Variants in DYM observed in about 807,000 individuals in gnomAD.
The protein encoded by DYM is dyggve-Melchior-Clausen syndrome protein.
A neutral mutation model predicts 93.1 loss-of-function variants in DYM; 78 were observed. That is an observed-to-expected ratio of 0.84 (90% CI 0.70 to 1.01). DYM has a LOEUF of 1.01. Ranked by LOEUF, DYM falls within the 50% of genes least tolerant of loss-of-function variation. The pLI, the probability that DYM is intolerant of heterozygous loss-of-function variation, is 0.00. For missense variants in DYM, 789 were observed against 845.0 expected (o/e 0.93, Z 0.82); for synonymous variants, 321 against 319.7 (o/e 1.00, Z -0.04).
intron 15 of DYM, among the ~76,000 whole-genome samples, chr18:49,148,398 T>G (rs1469236401): frequency 6.6e-6 from 1 of 152,082 alleles, no homozygotes; most frequent in African/African-American, 2.4e-5. Flanking sequence ...AAGATACATT[T>G]TAAAAATATA....
chr18:49,333,642 T>C lies in DYM; in HGVS notation c.620+86A>G, dbSNP rs960241631. On this transcript the variant is annotated intron_variant, in intron 7 of 17. Transcript: ENST00000675505. ...TAGAGGAAATACCTGGTTGGAGATA[T>C]GGGACGATACTCAGGTAAAAGGACA... The C allele has an allele frequency of 9.3e-6, 13 of 1,399,696 alleles. No individual in the cohort carries two copies. In the East Asian group the frequency reaches 1.2e-4, roughly 12 times the overall value. 86.7% of individuals were successfully genotyped at this position (1,399,696 alleles called of 1,614,324 possible). A position where few individuals can be genotyped will look rare whatever the true frequency, so the allele number is the denominator to read the frequency against.
intron 13 of DYM, among the ~76,000 whole-genome samples, chr18:49,243,501 C>A (rs1278006851): frequency 6.6e-6 from 1 of 151,814 alleles, no homozygotes; most frequent in Admixed American, 6.6e-5. Context: ...CCTGTCTCTA[C>A]TAAAAATGCA....
At chr18:49,415,598 A>G (rs2072876312) in intron 2 of DYM, among the ~76,000 whole-genome samples, 1 of 152,080 alleles carries the variant, frequency 6.6e-6, no homozygotes, top group Admixed American at 6.6e-5. Context: ...CAATTTCTGT[A>G]ACACAGTAAA....
chr18:49,352,288 G>GTGA (rs2065179548), intron 6 of DYM, among the ~76,000 whole-genome samples: 1 of 152,174 alleles, frequency 6.6e-6, no homozygotes, highest in Non-Finnish European at 1.5e-5. Flanking sequence ...TTAGATAATG[G>GTGA]TGATGGTTGT....
intron 14 of DYM, among the ~76,000 whole-genome samples, chr18:49,203,676 C>A (rs1034964363): frequency 7.1e-6 from 1 of 140,982 alleles, no homozygotes; most frequent in African/African-American, 2.7e-5. Flanking sequence ...AGAGTCATCA[C>A]CAATCCCTAA....
intron 8 of DYM, among the ~76,000 whole-genome samples, chr18:49,323,812 A>T (rs2062683549): frequency 6.6e-6 from 1 of 152,208 alleles, no homozygotes; most frequent in Non-Finnish European, 1.5e-5. Context: ...CCATAACATA[A>T]CAAATTATGG....
intron 17 of DYM, among the ~76,000 whole-genome samples, chr18:49,095,009 A>G (rs1298718035): frequency 6.6e-6 from 1 of 152,216 alleles, no homozygotes; most frequent in African/African-American, 2.4e-5. Context: ...ATTTTCATAG[A>G]GGGCTTATTA....
In DYM at chr18:49,225,756, C is replaced by T. The variant is rs79753945; in HGVS notation, c.1461-16041G>A. 3.1e-3 allele frequency among the ~76,000 whole-genome samples: 475 copies of T among 152,176 alleles called. 4 individuals are homozygous for T. The highest frequency in any genetic ancestry group is 0.011 in the African/African-American group (440 of 41,550). ...TTCAAAACCTTCCAATAAGTGCTTT[C>T]ATCCTAAATTAGCCACTCATTCTGG... is the stretch of plus-strand genomic sequence containing the variant. On this transcript the variant is annotated intron_variant, in intron 13 of 17. Transcript: ENST00000675505.
chr18:49,172,133 ACT>A (rs2088825334), intron 14 of DYM, among the ~76,000 whole-genome samples: 1 of 152,020 alleles, frequency 6.6e-6, no homozygotes, highest in African/African-American at 2.4e-5. Context: ...TACCTTAGGT[ACT>A]CTTTTGTGTC....
chr18:49,392,891 A>C (rs2069450177), intron 2 of DYM, among the ~76,000 whole-genome samples: 1 of 150,662 alleles, frequency 6.6e-6, no homozygotes, highest in Non-Finnish European at 1.5e-5. Context: ...GCTACTTGGG[A>C]GGATGCAGCA....
chr18:49,355,672 T>G (rs2065495075), intron 6 of DYM, among the ~76,000 whole-genome samples: 1 of 152,140 alleles, frequency 6.6e-6, no homozygotes, highest in Non-Finnish European at 1.5e-5. Flanking sequence ...TATATGTGTG[T>G]GGGGGTGGCT....
chr18:49,338,699 C>A (rs2063850667), intron 6 of DYM, among the ~76,000 whole-genome samples: 1 of 152,104 alleles, frequency 6.6e-6, no homozygotes, highest in Admixed American at 6.5e-5. Context: ...ATGGGAAACA[C>A]CTCTTTTATT....
intron 6 of DYM, chr18:49,359,793 C>T (rs955771401): frequency 5.3e-5 from 8 of 152,146 alleles, no homozygotes; most frequent in Admixed American, 2.0e-4. Context: ...AAATGTGAAA[C>T]GTTTATAGCA....
chr18:49,342,719 CCTTT>C (rs1176889609), intron 6 of DYM, among the ~76,000 whole-genome samples: 8 of 151,966 alleles, frequency 5.3e-5, no homozygotes, highest in Non-Finnish European at 1.5e-5. Context: ...TTTAATGTAC[CCTTT>C]CTATGTTTAG....
chr18:49,097,670 G>A (rs906967808), intron 16 of DYM, among the ~76,000 whole-genome samples, 155 bp from the exon 17 acceptor site: 7 of 152,130 alleles, frequency 4.6e-5, no homozygotes, highest in South Asian at 2.1e-4. Flanking sequence ...TTTGCTCTCC[G>A]TTGGGTTTGA....
At chr18:49,224,433 G>A (rs1180184501) in intron 13 of DYM, among the ~76,000 whole-genome samples, 2 of 152,012 alleles carry the variant, frequency 1.3e-5, no homozygotes, top group African/African-American at 4.8e-5. Context: ...AGAGTAGAGA[G>A]AGAAAAGAGA....
intron 13 of DYM, among the ~76,000 whole-genome samples, chr18:49,244,662 A>G (rs950806141): frequency 2.0e-5 from 3 of 152,178 alleles, no homozygotes; most frequent in Non-Finnish European, 4.4e-5. Context: ...AACCGATTGC[A>G]TAGGATCCAG....
chr18:49,375,692 T>C (rs181068314), intron 5 of DYM: 36 of 152,296 alleles, frequency 2.4e-4, no homozygotes, highest in African/African-American at 7.0e-4. Context: ...CTTGATCGGA[T>C]TGAAAGATGC....
chr18:49,375,511 C>T (rs910474414), intron 5 of DYM: 13 of 151,944 alleles, frequency 8.6e-5, no homozygotes, highest in Non-Finnish European at 1.5e-4. Context: ...CAATAAGTGA[C>T]CTTCCATGAA....
Sources: allele counts gnomAD v4.1 joint callset (sites outside exome capture counted in the v4.1 genomes callset), GRCh38; gene constraint gnomAD v4.1.1; transcripts MANE v1.5; gene names NCBI Gene and HGNC (gene_info 2026-07-23, HGNC 2026-07-21).